Variants in ADAMTS19 observed in about 807,000 individuals in gnomAD.
ADAMTS19 encodes the protein A disintegrin and metalloproteinase with thrombospondin motifs 19.
In ADAMTS19, 93 loss-of-function variants were observed where a neutral mutation model predicts 153.3. The ratio of observed to expected loss-of-function variants is 0.61; its 90% CI spans 0.51 to 0.72. The LOEUF is 0.72. Among genes scored for constraint, ADAMTS19 ranks in the 30% least tolerant of loss-of-function variants. ADAMTS19 has a pLI of 0.00. For synonymous variants in ADAMTS19, 600 were observed against 556.6 expected, an observed-to-expected ratio of 1.08 and a Z score of -1.10; for missense variants, 1,482 against 1,552.1, an observed-to-expected ratio of 0.95 and a Z score of 0.76.
intron 18 of ADAMTS19, among the ~76,000 whole-genome samples, chr5:129,685,771 T>C (rs30639): frequency 0.15 from 22,145 of 152,100 alleles, 1,781 homozygotes; most frequent in East Asian, 0.3. Context: ...TTATACAACA[T>C]TGTTTGCCAA....
At chr5:129,603,207 T>C (rs983233653) in intron 8 of ADAMTS19, among the ~76,000 whole-genome samples, 9 of 152,190 alleles carry the variant, frequency 5.9e-5, no homozygotes, top group South Asian at 2.1e-4. Context: ...ACATAACAGA[T>C]GTGACAGTCA....
chr5:129,654,386 T>G lies in ADAMTS19; in HGVS notation c.2257T>G (p.Ser753Ala). 1 of 1,613,346 alleles carries G rather than the reference T, an allele frequency of 6.2e-7. No homozygotes were observed. Among genetic ancestry groups the G allele is most frequent in the Non-Finnish European group, 8.5e-7 (1 of 1,179,750 alleles). Reference sequence around the variant, plus strand: ...ATCAGAAAAAGTGATGGATGGAACTTCTTGTGGCTATCAGGGATTAGATAT... The same window carrying G: ...ATCAGAAAAAGTGATGGATGGAACTGCTTGTGGCTATCAGGGATTAGATAT... The part of the protein sequence containing the change: ...LLSEKVMDGT[S>A]CGYQGLDICA... Residue 753 changes from serine to alanine, a missense_variant, in exon 14 of 23, where the codon TCT becomes GCT. Ser to Ala is a moderately conservative substitution (Grantham distance 99). Around this residue, in one of 2 missense-constraint regions of ADAMTS19, gnomAD observed 616 missense variants for 724.4 expected, o/e 0.85. Coordinates refer to ENST00000274487, the MANE Select transcript of ADAMTS19 (RefSeq NM_133638.6).
intron 21 of ADAMTS19, among the ~76,000 whole-genome samples, chr5:129,708,311 A>T (rs1756260212): frequency 6.6e-6 from 1 of 152,194 alleles, no homozygotes; most frequent in Non-Finnish European, 1.5e-5. Context: ...GCATTAACTT[A>T]CACAATTATA....
intron 19 of ADAMTS19, among the ~76,000 whole-genome samples, chr5:129,699,224 C>T (rs1755710900): frequency 6.6e-6 from 1 of 151,904 alleles, no homozygotes; most frequent in African/African-American, 2.4e-5. Context: ...GAGTTCAAGA[C>T]CAGCCTGGCC....
chr5:129,614,889 A>G (rs1473611705), intron 8 of ADAMTS19, among the ~76,000 whole-genome samples: 1 of 152,060 alleles, frequency 6.6e-6, no homozygotes, highest in African/African-American at 2.4e-5. Flanking sequence ...TTATACACCA[A>G]TAACAGACAA....
At chr5:129,673,953 G>A (rs1055500583) in intron 16 of ADAMTS19, among the ~76,000 whole-genome samples, 12 of 152,010 alleles carry the variant, frequency 7.9e-5, no homozygotes, top group African/African-American at 1.7e-4. Context: ...GCCATTGGCC[G>A]GGGACGGTAA....
chr5:129,734,379 A>G (rs1353870272), intron 21 of ADAMTS19, among the ~76,000 whole-genome samples: 2 of 152,094 alleles, frequency 1.3e-5, no homozygotes, highest in East Asian at 3.9e-4. Flanking sequence ...TACTAACATC[A>G]TCTAATCTAC....
rs1751915414 is a variant in ADAMTS19 at position 129,523,992 on chromosome 5, T to G, written c.914-2292T>G. Among the ~76,000 whole-genome samples, 3 of 152,114 alleles carry G rather than the reference T, an allele frequency of 2.0e-5. No homozygotes were observed. The South Asian group carries it at 6.2e-4, about 32-fold the overall frequency. On this transcript the variant is annotated intron_variant, in intron 3 of 22. Transcript: ENST00000274487. ...AATTTCATATGGAACCAAAAATAGCTCGTATAGCCAAGACAATCCTAAGCA... is the reference window on the plus strand; with the variant it reads ...AATTTCATATGGAACCAAAAATAGCGCGTATAGCCAAGACAATCCTAAGCA...
chr5:129,617,729 T>C lies in ADAMTS19; in HGVS notation c.1479-2889T>C, dbSNP rs113833337. ...ATTACATTAAGCCACTTTTACTGAT[T>C]TGTGATATTATGTCATATTTATAAT... On this transcript the variant is annotated intron_variant, in intron 8 of 22. Coordinates refer to ENST00000274487, the MANE Select transcript of ADAMTS19 (RefSeq NM_133638.6). 3.7e-3 allele frequency among the ~76,000 whole-genome samples: 565 copies of C among 152,176 alleles called. 1 individual carries two copies. Among genetic ancestry groups the C allele is most frequent in the African/African-American group, 0.013 (534 of 41,552 alleles).
chr5:129,555,884 A>G (rs1217903625), intron 7 of ADAMTS19, among the ~76,000 whole-genome samples: 2 of 152,238 alleles, frequency 1.3e-5, no homozygotes, highest in Non-Finnish European at 2.9e-5. Flanking sequence ...TGGAAATGAC[A>G]AACACAAACT....
At chr5:129,602,573 A>G (rs1750711943) in intron 8 of ADAMTS19, among the ~76,000 whole-genome samples, 1 of 152,164 alleles carries the variant, frequency 6.6e-6, no homozygotes, top group Non-Finnish European at 1.5e-5. Flanking sequence ...ACAGATGAGA[A>G]AATAAACTAA....
intron 6 of ADAMTS19, among the ~76,000 whole-genome samples, chr5:129,534,588 C>T (rs560057462): frequency 1.3e-4 from 20 of 152,260 alleles, no homozygotes; most frequent in African/African-American, 4.6e-4. Flanking sequence ...CCAGCATCAT[C>T]CTGATACCAA....
At chr5:129,598,858 G>C (rs559405980) in intron 8 of ADAMTS19, among the ~76,000 whole-genome samples, 1 of 152,228 alleles carries the variant, frequency 6.6e-6, no homozygotes, top group African/African-American at 2.4e-5. Context: ...TCCAGCAGTT[G>C]GTCTTGTGGA....
chr5:129,574,523 A>T (rs193179303), intron 7 of ADAMTS19, among the ~76,000 whole-genome samples: 1 of 151,948 alleles, frequency 6.6e-6, no homozygotes, highest in African/African-American at 2.4e-5. Flanking sequence ...GAGAACATGC[A>T]ATGTTTGGTT....
At chr5:129,671,130 C>T (rs1020156489) in intron 16 of ADAMTS19, among the ~76,000 whole-genome samples, 14 of 152,146 alleles carry the variant, frequency 9.2e-5, no homozygotes, top group Admixed American at 2.0e-4. Flanking sequence ...TAATTCACCT[C>T]GGATGAATCA....
intron 2 of ADAMTS19, among the ~76,000 whole-genome samples, chr5:129,475,653 C>T (rs762528495): frequency 3.9e-5 from 6 of 151,992 alleles, no homozygotes; most frequent in Admixed American, 6.6e-5. Flanking sequence ...GCCTACATGG[C>T]GAAACCCCAT....
intron 22 of ADAMTS19, among the ~76,000 whole-genome samples, chr5:129,736,216 A>G (rs1757658160): frequency 6.6e-6 from 1 of 152,072 alleles, no homozygotes; most frequent in South Asian, 2.1e-4. Flanking sequence ...TTGAAATATT[A>G]CATGGCAGAA....
At position 129,701,379 on chromosome 5, in the gene ADAMTS19, T is replaced by G. The variant is rs375108659; in HGVS notation, c.2955-9T>G. 5.6e-6 allele frequency: 9 copies of G among 1,614,210 alleles called. No homozygotes were observed. Among genetic ancestry groups the G allele is most frequent in the Non-Finnish European group, 6.8e-6 (8 of 1,180,026 alleles). ...AACTTGTTTCCAGTGACTCTTGCTT[T>G]ACTTTCAGGTGGATGATGACAGAAT... is the stretch of plus-strand genomic sequence containing the variant. On this transcript the variant is annotated splice_polypyrimidine_tract_variant and intron_variant, in intron 19 of 22. Coordinates refer to ENST00000274487, the MANE Select transcript of ADAMTS19 (RefSeq NM_133638.6).
chr5:129,567,135 T>A lies in ADAMTS19; in HGVS notation c.1372+15228T>A, dbSNP rs564902645. Among the ~76,000 whole-genome samples the A allele has an allele frequency of 4.6e-5, 7 of 152,150 alleles. No homozygotes were observed. In the East Asian group the frequency reaches 9.7e-4, roughly 21 times the overall value. The stretch of plus-strand genomic sequence containing the variant: ...TTCTTTGAGAACAGAGCTATTACAA[T>A]AGCAATGCAAAGGCCTTGAAAATTG... On this transcript the variant is annotated intron_variant, in intron 7 of 22. Coordinates refer to ENST00000274487, the MANE Select transcript of ADAMTS19 (RefSeq NM_133638.6).
Sources: allele counts gnomAD v4.1 joint callset (sites outside exome capture counted in the v4.1 genomes callset), GRCh38; gene constraint gnomAD v4.1.1; regional missense constraint gnomAD v4.1.1; transcripts MANE v1.5; gene names NCBI Gene and HGNC (gene_info 2026-07-23, HGNC 2026-07-21).